The following HSD17B7 variants were observed in gnomAD, a reference collection of about 807,000 sequenced individuals.
HSD17B7 encodes the protein 3-keto-steroid reductase/17-beta-hydroxysteroid dehydrogenase 7.
HSD17B7 carries 17 observed loss-of-function variants against 34.1 expected under a neutral mutation model. That is an observed-to-expected ratio of 0.50 (90% CI 0.34 to 0.75). The LOEUF (loss-of-function observed/expected upper bound fraction) is 0.75, where lower values mean the gene tolerates loss of function less well. Ranked by LOEUF, HSD17B7 falls within the 30% of genes least tolerant of loss-of-function variation. HSD17B7 has a pLI of 0.01. For synonymous variants in HSD17B7, 122 were observed against 154.6 expected (o/e 0.79, Z 1.56); for missense variants, 296 against 406.6 (o/e 0.73, Z 2.34).
intron 8 of HSD17B7, among the ~76,000 whole-genome samples, chr1:162,808,704 C>G (rs1649072305): frequency 1.3e-5 from 2 of 152,096 alleles, no homozygotes; most frequent in African/African-American, 2.4e-5. Context: ...AGTTGAATTC[C>G]TAGATATTTT....
chr1:162,811,180 A>T (rs981746053), intron 8 of HSD17B7, among the ~76,000 whole-genome samples: 1 of 150,936 alleles, frequency 6.6e-6, no homozygotes, highest in African/African-American at 2.4e-5. Flanking sequence ...CTTGTCTGTA[A>T]AGGATTTTAT....
At chr1:162,793,035 T>TG in intron 2 of HSD17B7, 173 bp downstream of exon 2, 1 of 424,914 alleles carries the variant, frequency 2.4e-6, no homozygotes. Flanking sequence ...TTCTTTCTTT[T>TG]TTTTTTTTTT....
At position 162,803,417 on chromosome 1, in the gene HSD17B7, C is replaced by T. The variant is rs761859622; in HGVS notation, c.643-14C>T. ...CTGAGTTAAAGTCTCATTGCTACACCTCTCTGTTCCTAGGGTCTCTATTCC... is the reference window on the plus strand; with the variant it reads ...CTGAGTTAAAGTCTCATTGCTACACTTCTCTGTTCCTAGGGTCTCTATTCC... On this transcript the variant is annotated splice_polypyrimidine_tract_variant and intron_variant, in intron 5 of 8. Transcript: ENST00000254521. 3.7e-6 allele frequency: 6 copies of T among 1,610,656 alleles called. No homozygotes were observed. The highest frequency in any genetic ancestry group is 3.4e-6 in the Non-Finnish European group (4 of 1,177,696).
intron 5 of HSD17B7, chr1:162,800,292 G>A: frequency 2.1e-6 from 1 of 469,524 alleles, no homozygotes; most frequent in East Asian, 6.6e-5. Flanking sequence ...ATTTTCAGAT[G>A]AGGACACTAA....
At chr1:162,809,142 G>A (rs1021610034) in intron 8 of HSD17B7, among the ~76,000 whole-genome samples, 3 of 151,938 alleles carry the variant, frequency 2.0e-5, no homozygotes, top group Admixed American at 6.6e-5. Flanking sequence ...AGATATGTCC[G>A]ATCAATACCT....
At chr1:162,801,560 T>C (rs1330013052) in intron 5 of HSD17B7, among the ~76,000 whole-genome samples, 1 of 152,158 alleles carries the variant, frequency 6.6e-6, no homozygotes, top group Non-Finnish European at 1.5e-5. Context: ...GGGTATGTAT[T>C]TGTGTGCCTA....
Position 162,812,456 on chromosome 1 carries a change from C to G in HSD17B7, c.*36C>G, listed in dbSNP as rs771435391. ...TTGGGAGGCCAAGGCAGAAGGATCA[C>G]TTGAGACCAGGAGTTCAAGACCAGC... On this transcript the variant is annotated 3_prime_UTR_variant, in exon 9 of 9. Coordinates refer to ENST00000254521, the MANE Select transcript of HSD17B7 (RefSeq NM_016371.4). 84 of 1,552,482 alleles carry G rather than the reference C, an allele frequency of 5.4e-5. No homozygotes were observed. Among genetic ancestry groups the G allele is most frequent in the Non-Finnish European group, 6.9e-5 (79 of 1,142,186 alleles).
chr1:162,799,565 A>T, intron 4 of HSD17B7, 178 bp from the exon 5 acceptor site: 1 of 558,994 alleles, frequency 1.8e-6, no homozygotes. Context: ...ATACTAACTC[A>T]TGTATGTATA....
rs745677556 is a variant in HSD17B7 at position 162,799,810 on chromosome 1, G to T, written c.515G>T (p.Arg172Leu). 2 of 1,613,562 alleles carry T rather than the reference G, an allele frequency of 1.2e-6. No homozygotes were observed. The highest frequency in any genetic ancestry group is 1.7e-5 in the Admixed American group (1 of 59,970). The change falls in exon 5 of 9, where the codon CGC (arginine) becomes CTC (leucine). Residue 172 changes from arginine to leucine, a missense_variant. Arg to Leu is a moderately radical substitution (Grantham distance 102, BLOSUM62 -2). Transcript: ENST00000254521. ...TCTCAGCTCATCTGGACATCATCTC[G>T]CAGTGCAAGGAAATCTAATTTCAGC... ...NPSQLIWTSS[R>L]SARKSNFSLE...
chr1:162,810,982 C>A (rs1396365139), intron 8 of HSD17B7, among the ~76,000 whole-genome samples: 4 of 152,128 alleles, frequency 2.6e-5, no homozygotes, highest in African/African-American at 4.8e-5. Flanking sequence ...TGAATTTGAT[C>A]CTGTCATTAT....
At chr1:162,792,493 T>C in intron 1 of HSD17B7, 166 bp from the exon 2 acceptor site, 1 of 792,186 alleles carries the variant, frequency 1.3e-6, no homozygotes, top group Non-Finnish European at 2.0e-6. Flanking sequence ...CAAGTGACTA[T>C]TGGAGTGTAG....
Position 162,794,602 on chromosome 1 carries a change from G to A in HSD17B7, c.239+1740G>A, listed in dbSNP as rs1025500851. On this transcript the variant is annotated intron_variant, in intron 2 of 8. Transcript: ENST00000254521. ...ACTGTATACTGAATGTCCTTATGGAGATAAAAACCATGAAGTTGAGAGAAG... is the reference window on the plus strand; with the variant it reads ...ACTGTATACTGAATGTCCTTATGGAAATAAAAACCATGAAGTTGAGAGAAG... Among the ~76,000 whole-genome samples, 4 of 152,178 alleles carry A rather than the reference G, an allele frequency of 2.6e-5. No homozygotes were observed. The East Asian group carries it at 5.8e-4, about 22-fold the overall frequency.
At position 162,792,656 on chromosome 1, in the gene HSD17B7, C is replaced by T. The variant is rs755758156; in HGVS notation, c.36-3C>T. On this transcript the variant is annotated splice_region_variant and splice_polypyrimidine_tract_variant and intron_variant, in intron 1 of 8. Coordinates refer to ENST00000254521, the MANE Select transcript of HSD17B7 (RefSeq NM_016371.4). ...ACATCTTGTGTCTGAATTGTCCTCC[C>T]AGTGGCATTGGCCTGGCCCTCTGCA... is the stretch of plus-strand genomic sequence containing the variant. 3.1e-6 allele frequency: 5 copies of T among 1,610,452 alleles called. No homozygotes were observed. The Admixed American group carries it at 8.4e-5, about 27-fold the overall frequency.
chr1:162,798,032 G>A, intron 4 of HSD17B7, 116 bp downstream of exon 4: 4 of 1,401,426 alleles, frequency 2.9e-6, no homozygotes, highest in Non-Finnish European at 3.7e-6. Context: ...TCTCATGTTT[G>A]AGTTTTCTTG....
At chr1:162,793,033 T>TTTTC in intron 2 of HSD17B7, 171 bp downstream of exon 2, 1 of 479,338 alleles carries the variant, frequency 2.1e-6, no homozygotes, top group Non-Finnish European at 3.6e-6. Flanking sequence ...TTTTCTTTCT[T>TTTTC]TTTTTTTTTT....
At chr1:162,799,006 AAAAAGAGAAAAAG>A (rs1013335205) in intron 4 of HSD17B7, 1 of 189,978 alleles carries the variant, frequency 5.3e-6, no homozygotes, top group African/African-American at 2.4e-5. Context: ...AAAAAAAAAA[AAAAAGAGAAAAAG>A]AAAGAAAGTT....
chr1:162,811,343 T>A (rs1362776231), intron 8 of HSD17B7, among the ~76,000 whole-genome samples: 1 of 152,260 alleles, frequency 6.6e-6, no homozygotes, highest in Non-Finnish European at 1.5e-5. Flanking sequence ...GGCTTCCCTT[T>A]GTGGGTAACC....
intron 2 of HSD17B7, among the ~76,000 whole-genome samples, chr1:162,795,851 TTAGATGAAGAGTC>T (rs1240676393): frequency 3.4e-5 from 1 of 29,540 alleles, no homozygotes; most frequent in East Asian, 1.0e-3. Context: ...TATGTAAGTC[TTAGATGAAGAGTC>T]TTAGATGAAG....
At chr1:162,804,983 G>A (rs1413094799) in intron 7 of HSD17B7, among the ~76,000 whole-genome samples, 1 of 152,178 alleles carries the variant, frequency 6.6e-6, no homozygotes, top group Non-Finnish European at 1.5e-5. Context: ...ATCTGAGTCA[G>A]TCCTTTACAT....
Sources: allele counts gnomAD v4.1 joint callset (sites outside exome capture counted in the v4.1 genomes callset), GRCh38; gene constraint gnomAD v4.1.1; transcripts MANE v1.5; gene names NCBI Gene and HGNC (gene_info 2026-07-23, HGNC 2026-07-21).